The following EPHB1 variants were observed in gnomAD, a reference collection of about 807,000 sequenced individuals.
The protein encoded by EPHB1 is EPH receptor B1.
EPHB1 carries 30 observed loss-of-function variants against 94.4 expected under a neutral mutation model. That is an observed-to-expected ratio of 0.32 (90% CI 0.24 to 0.43). The LOEUF (loss-of-function observed/expected upper bound fraction) is 0.43, where lower values mean the gene tolerates loss of function less well. Among genes scored for constraint, EPHB1 ranks in the 20% least tolerant of loss-of-function variants. The pLI is 1.00. For missense variants in EPHB1, 1,055 were observed against 1,308.3 expected, an observed-to-expected ratio of 0.81 and a Z score of 2.99; for synonymous variants, 522 against 489.1, an observed-to-expected ratio of 1.07 and a Z score of -0.89.
chr3:135,243,354 C>T (rs1296403272), intron 13 of EPHB1, among the ~76,000 whole-genome samples: 3 of 152,172 alleles, frequency 2.0e-5, no homozygotes, highest in African/African-American at 4.8e-5. Context: ...GAAGGTTTTA[C>T]AGTCCGGTGG....
intron 3 of EPHB1, among the ~76,000 whole-genome samples, chr3:135,076,858 A>G (rs73216201): frequency 0.039 from 5,952 of 152,322 alleles, 170 homozygotes; most frequent in East Asian, 0.14. Context: ...ATGTTGAATG[A>G]GTCCTAGAAA....
At chr3:134,903,332 CTA>C (rs951050808) in intron 1 of EPHB1, among the ~76,000 whole-genome samples, 4 of 152,114 alleles carry the variant, frequency 2.6e-5, no homozygotes, top group African/African-American at 9.7e-5. Flanking sequence ...AGGGTAGCTC[CTA>C]CTGGTGCTGG....
At chr3:135,174,197 T>G (rs1941909209) in intron 9 of EPHB1, among the ~76,000 whole-genome samples, 2 of 152,212 alleles carry the variant, frequency 1.3e-5, no homozygotes, top group Admixed American at 1.3e-4. Flanking sequence ...TGTCCCCTGC[T>G]GATGGAACCA....
At position 134,937,912 on chromosome 3, in the gene EPHB1, CT is replaced by C. The variant is rs113610495; in HGVS notation, c.123+12052del. On this transcript the variant is annotated intron_variant, in intron 2 of 15. Transcript: ENST00000398015. ...TGACCAGCCAAGCACTGGTTCCCTC[CT>C]TTTTTTTTTTTTTTTTTTTCCTCCT... is the stretch of plus-strand genomic sequence containing the variant. 8.8e-3 allele frequency among the ~76,000 whole-genome samples: 1,073 copies of C among 122,576 alleles called. 6 individuals are homozygous for C. Among genetic ancestry groups the C allele is most frequent in the African/African-American group, 0.027 (834 of 31,226 alleles). 80.4% of individuals were successfully genotyped at this position (122,576 alleles called of 152,430 possible). A position where few individuals can be genotyped will look rare whatever the true frequency, so the allele number is the denominator to read the frequency against.
rs543463389 is a variant in EPHB1, at chr3:135,005,434, A to T, written c.805+53382A>T. ...TTGTTTGTCTGTGCCCTGCCCCCAGAGGTGGAGCCTACAGAGGCAGGCAGG... is the reference window on the plus strand; with the variant it reads ...TTGTTTGTCTGTGCCCTGCCCCCAGTGGTGGAGCCTACAGAGGCAGGCAGG... On this transcript the variant is annotated intron_variant, in intron 3 of 15. Coordinates refer to ENST00000398015, the MANE Select transcript of EPHB1 (RefSeq NM_004441.5). 2.6e-3 allele frequency among the ~76,000 whole-genome samples: 402 copies of T among 152,340 alleles called. 2 individuals are homozygous for T. Among genetic ancestry groups the T allele is most frequent in the African/African-American group, 9.5e-3 (395 of 41,574 alleles).
intron 5 of EPHB1, among the ~76,000 whole-genome samples, chr3:135,135,076 T>C (rs1940569190): frequency 6.6e-6 from 1 of 152,150 alleles, no homozygotes; most frequent in African/African-American, 2.4e-5. Flanking sequence ...ACTTCTCATG[T>C]GCTTTGTTCC....
At chr3:134,960,677 T>G in intron 3 of EPHB1, among the ~76,000 whole-genome samples, 1 of 152,302 alleles carries the variant, frequency 6.6e-6, no homozygotes, top group East Asian at 1.9e-4. Context: ...AGAAATGAGC[T>G]TAGCTACAAT....
At chr3:134,884,107 A>G (rs1449584276) in intron 1 of EPHB1, among the ~76,000 whole-genome samples, 1 of 152,202 alleles carries the variant, frequency 6.6e-6, no homozygotes, top group Non-Finnish European at 1.5e-5. Context: ...TCTGGCCTCC[A>G]TCCCTCAGCC....
intron 3 of EPHB1, among the ~76,000 whole-genome samples, chr3:134,996,601 T>A (rs1325055019): frequency 1.3e-5 from 2 of 152,196 alleles, no homozygotes; most frequent in African/African-American, 4.8e-5. Context: ...AATGCTATAC[T>A]GATGAGCCCT....
chr3:135,052,693 G>A (rs1321691333), intron 3 of EPHB1, among the ~76,000 whole-genome samples: 3 of 149,928 alleles, frequency 2.0e-5, no homozygotes, highest in Admixed American at 6.7e-5. Flanking sequence ...GACCCCATCT[G>A]TACTAAAAAT....
intron 5 of EPHB1, among the ~76,000 whole-genome samples, chr3:135,141,874 G>C (rs1322759978): frequency 6.6e-5 from 10 of 152,156 alleles, no homozygotes; most frequent in Admixed American, 5.9e-4. Context: ...GGAGGGGCCT[G>C]GCCATCTGGC....
intron 3 of EPHB1, among the ~76,000 whole-genome samples, chr3:135,051,982 A>T (rs1020413866): frequency 6.6e-6 from 1 of 152,358 alleles, no homozygotes; most frequent in East Asian, 1.9e-4. Flanking sequence ...CATGAACTAT[A>T]TAAAAATCTA....
chr3:134,903,140 T>G (rs1270582132), intron 1 of EPHB1, among the ~76,000 whole-genome samples: 1 of 152,254 alleles, frequency 6.6e-6, no homozygotes, highest in Admixed American at 6.5e-5. Context: ...TCATCTTATT[T>G]GATGTATTAA....
chr3:134,824,840 C>A (rs1173183387), intron 1 of EPHB1, among the ~76,000 whole-genome samples: 1 of 151,984 alleles, frequency 6.6e-6, no homozygotes, highest in Non-Finnish European at 1.5e-5. Context: ...CAGCCAGCAC[C>A]AACTGCCAGC....
At chr3:135,101,139 C>T (rs1939021449) in intron 3 of EPHB1, among the ~76,000 whole-genome samples, 1 of 152,176 alleles carries the variant, frequency 6.6e-6, no homozygotes, top group South Asian at 2.1e-4. Context: ...TGACAAAGGT[C>T]TTAATGCGAA....
At chr3:134,982,135 T>C (rs1310690617) in intron 3 of EPHB1, among the ~76,000 whole-genome samples, 1 of 152,238 alleles carries the variant, frequency 6.6e-6, no homozygotes, top group Admixed American at 6.5e-5. Flanking sequence ...TACTCTTCAA[T>C]GGCTACATTA....
At chr3:134,869,229 G>A (rs139843530) in intron 1 of EPHB1, among the ~76,000 whole-genome samples, 5 of 152,362 alleles carry the variant, frequency 3.3e-5, no homozygotes, top group Admixed American at 2.0e-4. Flanking sequence ...AGGTGATAGA[G>A]AGCCCAACCC....
intron 3 of EPHB1, among the ~76,000 whole-genome samples, chr3:135,095,300 C>A (rs529172859): frequency 1.3e-5 from 2 of 152,220 alleles, no homozygotes; most frequent in South Asian, 4.2e-4. Flanking sequence ...TTGCACCCAA[C>A]CCCGTGCCTG....
At chr3:134,940,648 T>G (rs1158201100) in intron 2 of EPHB1, among the ~76,000 whole-genome samples, 2 of 152,242 alleles carry the variant, frequency 1.3e-5, no homozygotes, top group Non-Finnish European at 2.9e-5. Flanking sequence ...CTCCTGTGTT[T>G]CATTCAGATC....
Sources: gnomAD v4.1 joint callset for allele counts (sites outside exome capture counted in the v4.1 genomes callset) on GRCh38, gnomAD v4.1.1 for gene constraint, MANE v1.5 for transcripts, NCBI Gene and HGNC (gene_info 2026-07-23, HGNC 2026-07-21) for gene names.